Variants in CERK observed in about 807,000 individuals in gnomAD.
CERK encodes acylsphingosine kinase.
Under a neutral mutation model 63.4 loss-of-function variants are expected in CERK, and 39 were observed. That is an observed-to-expected ratio of 0.61 (90% CI 0.48 to 0.80). The LOEUF is 0.80. Ranked by LOEUF, CERK falls within the 30% of genes least tolerant of loss-of-function variation. The pLI, the probability that CERK is intolerant of heterozygous loss-of-function variation, is 0.00. For missense variants in CERK, 670 were observed against 714.1 expected (o/e 0.94, Z 0.70); for synonymous variants, 302 against 280.0 (o/e 1.08, Z -0.78).
rs1276797231 is a variant in CERK at position 46,695,193 on chromosome 22, C to A, written c.1049+17G>T. The A allele has an allele frequency of 8.0e-7, 1 of 1,253,716 alleles. No individual in the cohort carries two copies. The highest frequency in any genetic ancestry group is 1.3e-5 in the South Asian group (1 of 79,262). 77.7% of individuals were successfully genotyped at this position (1,253,716 alleles called of 1,614,324 possible). On this transcript the variant is annotated intron_variant, in intron 9 of 12. Coordinates refer to ENST00000216264, the MANE Select transcript of CERK (RefSeq NM_022766.6). ...TCCCGTCATTTGCAAGAGAAACACA[C>A]AAAGCAATGCACTTACCCTGCCCGG...
intron 7 of CERK, among the ~76,000 whole-genome samples, chr22:46,700,574 G>A (rs2082778567): frequency 6.6e-6 from 1 of 152,198 alleles, no homozygotes; most frequent in Admixed American, 6.6e-5. Context: ...TTAGCCAGGT[G>A]TAGTGGTGCA....
chr22:46,723,449 T>C (rs2082902515), intron 1 of CERK, among the ~76,000 whole-genome samples: 1 of 152,016 alleles, frequency 6.6e-6, no homozygotes, highest in East Asian at 2.0e-4. Context: ...TGAAACCCCG[T>C]CTCTACTAAA....
At chr22:46,689,033 A>G (rs1017377285) in intron 12 of CERK, among the ~76,000 whole-genome samples, 1 of 152,216 alleles carries the variant, frequency 6.6e-6, no homozygotes, top group Non-Finnish European at 1.5e-5. Context: ...TCCAAATACA[A>G]TGGGCCCCAG....
At chr22:46,712,412 A>C in intron 3 of CERK, 119 bp from the exon 4 acceptor site, 1 of 835,360 alleles carries the variant, frequency 1.2e-6, no homozygotes, top group Non-Finnish European at 1.9e-6. Flanking sequence ...TACCTGATGG[A>C]AAGTATTTTT....
At chr22:46,719,723 T>A (rs2082882721) in intron 3 of CERK, among the ~76,000 whole-genome samples, 1 of 152,144 alleles carries the variant, frequency 6.6e-6, no homozygotes, top group African/African-American at 2.4e-5. Context: ...CCCAGACAGA[T>A]GTGAGGTGTA....
chr22:46,695,172 G>A (rs372234931), intron 9 of CERK, 38 bp downstream of exon 9: 63 of 1,057,252 alleles, frequency 6.0e-5, no homozygotes, highest in Admixed American at 5.9e-4. Context: ...TTCATTTCCC[G>A]TCATTTGCAA....
chr22:46,723,340 C>A (rs570083101), intron 1 of CERK, among the ~76,000 whole-genome samples: 1 of 152,138 alleles, frequency 6.6e-6, no homozygotes, highest in Non-Finnish European at 1.5e-5. Context: ...GAACACAGGG[C>A]GGACACAGTG....
chr22:46,697,340 G>A (rs1427275141), intron 8 of CERK, among the ~76,000 whole-genome samples: 3 of 151,492 alleles, frequency 2.0e-5, no homozygotes, highest in Non-Finnish European at 2.9e-5. Context: ...TCTGGCTGTC[G>A]CTCCAGCTGC....
At chr22:46,721,065 A>C in intron 1 of CERK, 50 bp from the exon 2 acceptor site, 1 of 1,143,566 alleles carries the variant, frequency 8.7e-7, no homozygotes, top group East Asian at 2.4e-5. Flanking sequence ...GAATCCACAC[A>C]GGTAAAATCA....
rs1034119228 is a variant in CERK at position 46,685,776 on chromosome 22, A to G, written c.*1358T>C. The stretch of plus-strand genomic sequence containing the variant: ...GTTTCCTGTATGCTTCAAAATATAA[A>G]TCAATGCCAGGAAATTCTGAAAATG... On this transcript the variant is annotated 3_prime_UTR_variant, in exon 13 of 13. Transcript: ENST00000216264. 1.3e-5 allele frequency: 2 copies of G among 152,188 alleles called. No homozygotes were observed. The highest frequency in any genetic ancestry group is 4.8e-5 in the African/African-American group (2 of 41,452). The allele number at this position is 152,188 out of a possible 1,614,324, so 9.4% of individuals were successfully genotyped here. A position where few individuals can be genotyped will look rare whatever the true frequency, so the allele number is the denominator to read the frequency against.
chr22:46,703,776 C>G (rs1018814926), intron 6 of CERK, among the ~76,000 whole-genome samples: 11 of 152,188 alleles, frequency 7.2e-5, no homozygotes, highest in African/African-American at 2.2e-4. Context: ...GACGTCACCC[C>G]CTGCCGAACC....
At position 46,699,476 on chromosome 22, in the gene CERK, G is replaced by C. The variant is rs201223701; in HGVS notation, c.791-11C>G. On this transcript the variant is annotated splice_polypyrimidine_tract_variant and intron_variant, in intron 7 of 12. Transcript: ENST00000216264. ...TGGCCAGCGAGTCCCCTGTGGGAGA[G>C]AACGGCCGTGAGGGAAGGCAGCCCC... 449 of 1,613,680 alleles carry C rather than the reference G, an allele frequency of 2.8e-4. 1 individual carries two copies. The African/African-American group carries it at 5.4e-3, about 19-fold the overall frequency.
intron 9 of CERK, among the ~76,000 whole-genome samples, chr22:46,694,294 G>A (rs1274318928): frequency 2.0e-5 from 3 of 152,212 alleles, no homozygotes; most frequent in East Asian, 1.9e-4. Flanking sequence ...GAGGTCATGC[G>A]GCCTGGGACA....
At chr22:46,696,158 G>A (rs2082755173) in intron 8 of CERK, among the ~76,000 whole-genome samples, 1 of 152,198 alleles carries the variant, frequency 6.6e-6, no homozygotes, top group South Asian at 2.1e-4. Context: ...CCCAGGGGTG[G>A]GGGAAGCTGC....
chr22:46,694,002 C>G (rs1356548907), intron 9 of CERK, among the ~76,000 whole-genome samples: 1 of 152,152 alleles, frequency 6.6e-6, no homozygotes, highest in African/African-American at 2.4e-5. Context: ...CGCTGTCAAA[C>G]AGGACACTGT....
chr22:46,730,941 C>T (rs2082942368), intron 1 of CERK, among the ~76,000 whole-genome samples: 3 of 152,244 alleles, frequency 2.0e-5, no homozygotes, highest in Admixed American at 6.5e-5. Context: ...AGACAGAAAA[C>T]TTTGAGACAA....
At chr22:46,691,852 G>A (rs960513363) in intron 10 of CERK, 75 bp from the exon 11 acceptor site, 11 of 1,233,204 alleles carry the variant, frequency 8.9e-6, no homozygotes, top group Non-Finnish European at 1.1e-5. Flanking sequence ...GACGGTGGGA[G>A]GCCATTCGGG....
At chr22:46,737,931 C>T (rs2082983555) in intron 1 of CERK, 76 bp downstream of exon 1, 1 of 1,008,214 alleles carries the variant, frequency 9.9e-7, no homozygotes. Context: ...TGCACCCGGT[C>T]CCCCCAGCCG....
At chr22:46,702,373 C>A (rs2082791206) in intron 6 of CERK, among the ~76,000 whole-genome samples, 1 of 151,296 alleles carries the variant, frequency 6.6e-6, no homozygotes, top group Non-Finnish European at 1.5e-5. Flanking sequence ...TGGCTCACTG[C>A]AACCTCTGTC....
Sources: allele counts gnomAD v4.1 joint callset (sites outside exome capture counted in the v4.1 genomes callset), GRCh38; gene constraint gnomAD v4.1.1; transcripts MANE v1.5; gene names NCBI Gene and HGNC (gene_info 2026-07-23, HGNC 2026-07-21).